SCIN: variants seen among roughly 807,000 people sequenced by gnomAD.
SCIN encodes scinderin, also known as adseverin.
Under a neutral mutation model 91.8 loss-of-function variants are expected in SCIN, and 91 were observed. The observed-to-expected ratio is 0.99, with a 90% CI of 0.84 to 1.18. SCIN has a LOEUF of 1.18. SCIN is among the 50% of genes most tolerant of loss of function. SCIN has a pLI of 0.00. For missense variants in SCIN, 1,087 were observed against 863.9 expected, an observed-to-expected ratio of 1.26 and a Z score of -3.24; for synonymous variants, 367 against 312.6, an observed-to-expected ratio of 1.17 and a Z score of -1.84.
chr7:12,620,733 A>G (rs533960005), intron 4 of SCIN, among the ~76,000 whole-genome samples: 1 of 152,270 alleles, frequency 6.6e-6, no homozygotes, highest in South Asian at 2.1e-4. Context: ...AGAGGAGAGA[A>G]TAGAGATACA....
At chr7:12,594,991 T>C (rs971566538) in intron 3 of SCIN, among the ~76,000 whole-genome samples, 2 of 152,086 alleles carry the variant, frequency 1.3e-5, no homozygotes, top group African/African-American at 2.4e-5. Context: ...CCTTAGGGTC[T>C]TTAGCAGGTT....
In SCIN at chr7:12,581,241, A is replaced by G. The variant is rs1782482337; in HGVS notation, c.516+20A>G. 4 of 1,546,008 alleles carry G rather than the reference A, an allele frequency of 2.6e-6. No homozygotes were observed. Among genetic ancestry groups the G allele is most frequent in the Non-Finnish European group, 3.5e-6 (4 of 1,143,408 alleles). On this transcript the variant is annotated intron_variant, in intron 3 of 15. Coordinates refer to ENST00000297029, the MANE Select transcript of SCIN (RefSeq NM_001112706.3). ...GGCACCGTAAGTTTCATATATACAC[A>G]TCGATGTCTAAAGAAAAGTGAATTG...
At chr7:12,590,506 T>A (rs1782696874) in intron 3 of SCIN, among the ~76,000 whole-genome samples, 1 of 152,058 alleles carries the variant, frequency 6.6e-6, no homozygotes, top group Admixed American at 6.6e-5. Context: ...GATGTCAGAA[T>A]TTCTTTGGTC....
At chr7:12,629,279 G>A (rs1425525990) in intron 9 of SCIN, 57 bp downstream of exon 9, 11 of 1,539,654 alleles carry the variant, frequency 7.1e-6, no homozygotes, top group Non-Finnish European at 8.8e-7. Context: ...TTGCTCCAAA[G>A]TATTAAATTC....
chr7:12,650,531 G>T (rs1302573181), intron 14 of SCIN, among the ~76,000 whole-genome samples: 6 of 151,950 alleles, frequency 3.9e-5, no homozygotes, highest in Non-Finnish European at 8.8e-5. Context: ...ATGCTTTCAT[G>T]GTTTGTTCTG....
intron 5 of SCIN, among the ~76,000 whole-genome samples, chr7:12,623,639 G>A (rs988935162): frequency 6.6e-5 from 10 of 152,088 alleles, no homozygotes; most frequent in Admixed American, 2.0e-4. Flanking sequence ...CTTTCTAAGC[G>A]TGTGATTTGG....
chr7:12,586,408 G>A (rs1218744525), intron 3 of SCIN, among the ~76,000 whole-genome samples: 1 of 152,100 alleles, frequency 6.6e-6, no homozygotes, highest in Non-Finnish European at 1.5e-5. Context: ...TAGAATGACT[G>A]TCATCAAAAA....
intron 3 of SCIN, among the ~76,000 whole-genome samples, chr7:12,592,309 G>A (rs1782741193): frequency 6.6e-6 from 1 of 152,098 alleles, no homozygotes; most frequent in African/African-American, 2.4e-5. Flanking sequence ...GGTTGTGAAC[G>A]AGTCGGTATG....
intron 3 of SCIN, chr7:12,589,558 G>T (rs1188850192): frequency 6.6e-6 from 1 of 152,196 alleles, no homozygotes; most frequent in Non-Finnish European, 1.5e-5. Flanking sequence ...GCAGCATCTT[G>T]TACTAGTCCT....
intron 3 of SCIN, among the ~76,000 whole-genome samples, chr7:12,586,551 A>G (rs935986797): frequency 6.6e-6 from 1 of 152,170 alleles, no homozygotes; most frequent in Non-Finnish European, 1.5e-5. Context: ...AAATAGAACT[A>G]CCATATGATC....
chr7:12,618,542 G>C (rs974149665), intron 4 of SCIN, among the ~76,000 whole-genome samples: 7 of 152,124 alleles, frequency 4.6e-5, no homozygotes, highest in Non-Finnish European at 7.4e-5. Flanking sequence ...GAGCAGCAGA[G>C]TAAATGTTGG....
intron 10 of SCIN, among the ~76,000 whole-genome samples, chr7:12,638,813 C>G (rs1032348337): frequency 6.6e-6 from 1 of 152,088 alleles, no homozygotes; most frequent in African/African-American, 2.4e-5. Flanking sequence ...TACTTTTAAT[C>G]AATAAATTAA....
chr7:12,571,411 CTG>C, intron 1 of SCIN: 1 of 352,926 alleles, frequency 2.8e-6, no homozygotes, highest in Non-Finnish European at 5.6e-6. Flanking sequence ...GTCATAAAGT[CTG>C]GGGGCATCTG....
At chr7:12,594,002 C>T (rs192505153) in intron 3 of SCIN, among the ~76,000 whole-genome samples, 237 of 152,258 alleles carry the variant, frequency 1.6e-3, no homozygotes, top group African/African-American at 5.4e-3. Flanking sequence ...GGACCCGAGA[C>T]GTTCTTCAAT....
chr7:12,598,258 C>G (rs1422907016), intron 3 of SCIN, among the ~76,000 whole-genome samples: 1 of 151,822 alleles, frequency 6.6e-6, no homozygotes, highest in Non-Finnish European at 1.5e-5. Flanking sequence ...TTTTTTAAGC[C>G]TACTCCCTGG....
chr7:12,581,548 T>G (rs1243060870), intron 3 of SCIN, among the ~76,000 whole-genome samples: 1 of 152,164 alleles, frequency 6.6e-6, no homozygotes, highest in Non-Finnish European at 1.5e-5. Flanking sequence ...AAACATAGCT[T>G]GAGGGGGAAA....
intron 4 of SCIN, among the ~76,000 whole-genome samples, chr7:12,619,628 T>C (rs2708658): frequency 0.33 from 49,637 of 152,024 alleles, 8,373 homozygotes; most frequent in South Asian, 0.41. Flanking sequence ...ATTAATCTCC[T>C]AGCTAGCTAC....
intron 1 of SCIN, among the ~76,000 whole-genome samples, chr7:12,572,912 CA>C (rs1315001447): frequency 6.6e-6 from 1 of 151,678 alleles, no homozygotes; most frequent in Non-Finnish European, 1.5e-5. Context: ...CTCAAAGGTG[CA>C]AAAAGACAAA....
intron 9 of SCIN, among the ~76,000 whole-genome samples, chr7:12,631,084 G>A (rs1399013313): frequency 6.6e-6 from 1 of 152,128 alleles, no homozygotes; most frequent in East Asian, 1.9e-4. Context: ...AGTGTTTTGA[G>A]GAATTAACAG....
Sources: gnomAD v4.1 joint callset for allele counts (sites outside exome capture counted in the v4.1 genomes callset) on GRCh38, gnomAD v4.1.1 for gene constraint, MANE v1.5 for transcripts, NCBI Gene and HGNC (gene_info 2026-07-23, HGNC 2026-07-21) for gene names.